The following ARHGAP29 variants were observed in gnomAD, a reference collection of about 807,000 sequenced individuals.
ARHGAP29 encodes the protein rho GTPase-activating protein 29.
A neutral mutation model predicts 122.6 loss-of-function variants in ARHGAP29; 43 were observed. That is an observed-to-expected ratio of 0.35 (90% CI 0.27 to 0.45). The LOEUF is 0.45. Ranked by LOEUF, ARHGAP29 falls within the 20% of genes least tolerant of loss-of-function variation. The pLI is 1.00. For synonymous variants in ARHGAP29, 506 were observed against 497.1 expected (o/e 1.02, Z -0.24); for missense variants, 1,303 against 1,477.2 (o/e 0.88, Z 1.93).
chr1:94,309,227 C>T, the ARHGAP29 span, among the ~76,000 whole-genome samples: 1 of 152,248 alleles, frequency 6.6e-6, no homozygotes, highest in Non-Finnish European at 1.5e-5. Context: ...GAGAGAGCCA[C>T]AACTATTTCC....
At chr1:94,287,586 G>A in the ARHGAP29 span, among the ~76,000 whole-genome samples, 1 of 151,994 alleles carries the variant, frequency 6.6e-6, no homozygotes, top group Non-Finnish European at 1.5e-5. Flanking sequence ...CATGTGCAAT[G>A]TTGGTTTGCT....
At chr1:94,248,258 AG>A (rs958170912) in intron 1 of ARHGAP29, 4 of 152,272 alleles carry the variant, frequency 2.6e-5, no homozygotes, top group Non-Finnish European at 5.9e-5. Context: ...GACACATGGC[AG>A]GTGCTCAGTA....
rs1403023399 is a variant in ARHGAP29, at chr1:94,170,597, A to T, written c.*3272T>A. 6.6e-6 allele frequency among the ~76,000 whole-genome samples: 1 copy of T among 152,218 alleles called. No homozygotes were observed. Among genetic ancestry groups the T allele is most frequent in the Non-Finnish European group, 1.5e-5 (1 of 68,030 alleles). ...TCAATCTCCTAAGTTTGATGGTTGT[A>T]CTATGGTTACGTAGGAATGCCCTTG... On this transcript the variant is annotated 3_prime_UTR_variant, in exon 23 of 23. Transcript: ENST00000260526.
At chr1:94,239,703 A>G (rs1317678714), upstream of ARHGAP29, among the ~76,000 whole-genome samples, 1 of 152,198 alleles carries the variant, frequency 6.6e-6, no homozygotes, top group East Asian at 1.9e-4. Context: ...ACCGATAGAG[A>G]AAGGAAAGAG....
the ARHGAP29 span, among the ~76,000 whole-genome samples, chr1:94,291,378 A>G: frequency 7.2e-5 from 11 of 152,180 alleles, no homozygotes; most frequent in Admixed American, 2.0e-4. Context: ...TGAATACAGC[A>G]CACTGATGGG....
chr1:94,297,588 G>A, the ARHGAP29 span, among the ~76,000 whole-genome samples: 1 of 152,266 alleles, frequency 6.6e-6, no homozygotes, highest in African/African-American at 2.4e-5. Context: ...GGGGACAAAG[G>A]GGATCTTCCA....
chr1:94,302,127 C>G, the ARHGAP29 span: 1 of 276,132 alleles, frequency 3.6e-6, no homozygotes, highest in Non-Finnish European at 7.1e-6. Flanking sequence ...AAGTGGATAT[C>G]ATCACCATCA....
intron 1 of ARHGAP29, among the ~76,000 whole-genome samples, chr1:94,268,099 A>G (rs1654844245): frequency 6.6e-6 from 1 of 152,192 alleles, no homozygotes; most frequent in African/African-American, 2.4e-5. Context: ...TCTGTTTAAT[A>G]CATTTATTTT....
At chr1:94,270,472 G>T (rs975612173) in intron 1 of ARHGAP29, among the ~76,000 whole-genome samples, 1 of 152,160 alleles carries the variant, frequency 6.6e-6, no homozygotes, top group Non-Finnish European at 1.5e-5. Context: ...TTATTTTGGC[G>T]CTGCCATATC....
rs1008749601 is a variant in ARHGAP29 at position 94,233,909 on chromosome 1, T to C, written c.-32-2266A>G. On this transcript the variant is annotated intron_variant, in intron 1 of 22. Transcript: ENST00000260526. ...CATAATAGGTCATGACCCTACAGTT[T>C]GAAAAACACCAACTGTTCAGCTCAG... Among the ~76,000 whole-genome samples the C allele has an allele frequency of 3.3e-5, 5 of 152,288 alleles. No individual in the cohort carries two copies. The South Asian group carries it at 1.0e-3, about 32-fold the overall frequency.
Position 94,174,230 on chromosome 1 carries a change from C to G in ARHGAP29, c.3425G>C (p.Arg1142Pro), listed in dbSNP as rs767180219. 1 of 1,614,038 alleles carries G rather than the reference C, an allele frequency of 6.2e-7. No individual in the cohort carries two copies. The highest frequency in any genetic ancestry group is 8.5e-7 in the Non-Finnish European group (1 of 1,180,020). The change falls in exon 23 of 23, where the codon CGG (arginine) becomes CCG (proline). Residue 1142 changes from arginine (R) to proline (P), a missense_variant. This residue lies in a region of ARHGAP29 where 620 missense variants were observed against 651.2 expected (regional missense o/e 0.95). Transcript: ENST00000260526. ...VRSVREASER[R>P]SSDSYPLAPV... ...AGCGAGAGGGTAGGAATCTGAAGACCGTCTCTCAGATGCCTCTCTCACTGA... is the reference window on the plus strand; with the variant it reads ...AGCGAGAGGGTAGGAATCTGAAGACGGTCTCTCAGATGCCTCTCTCACTGA...
At chr1:94,247,744 G>C in intron 1 of ARHGAP29, 1 of 671,630 alleles carries the variant, frequency 1.5e-6, no homozygotes, top group South Asian at 6.6e-5. Flanking sequence ...CGCCTTTGCA[G>C]CTACCGCCAC....
chr1:94,245,706 T>G (rs1357005030), intron 1 of ARHGAP29, among the ~76,000 whole-genome samples: 1 of 152,180 alleles, frequency 6.6e-6, no homozygotes, highest in African/African-American at 2.4e-5. Context: ...CCCATCAATA[T>G]TGTCTATTGC....
At chr1:94,301,150 C>T in the ARHGAP29 span, among the ~76,000 whole-genome samples, 1 of 151,282 alleles carries the variant, frequency 6.6e-6, no homozygotes, top group Non-Finnish European at 1.5e-5. Context: ...GTATCTGAAC[C>T]ACAGAAAGAC....
chr1:94,177,929 A>G lies in ARHGAP29; in HGVS notation c.2719T>C (p.Phe907Leu). 2 of 1,614,154 alleles carry G rather than the reference A, an allele frequency of 1.2e-6. No individual in the cohort carries two copies. ...CSIGVVDQGC[F>L]PKPLLSPEER... ...TCTGGTGATAACAGAGGCTTTGGAA[A>G]ACAGCCTTGATCAACAACACCTATG... The change falls in exon 21 of 23, where the codon TTT becomes CTT. Residue 907 changes from phenylalanine (F) to leucine (L), a missense_variant. By Grantham distance (22) the Phe-to-Leu change is conservative (BLOSUM62 0). Transcript: ENST00000260526.
chr1:94,231,084 G>A, intron 2 of ARHGAP29, among the ~76,000 whole-genome samples: 1 of 151,986 alleles, frequency 6.6e-6, no homozygotes, highest in Non-Finnish European at 1.5e-5. Flanking sequence ...ACCAATCAAT[G>A]CACTGTGTTA....
chr1:94,278,931 C>T (rs1000638688), upstream of ARHGAP29, among the ~76,000 whole-genome samples: 2 of 152,174 alleles, frequency 1.3e-5, no homozygotes, highest in Non-Finnish European at 2.9e-5. Flanking sequence ...TAGAGAAATG[C>T]ACAAATGTGA....
At chr1:94,185,306 C>A in intron 17 of ARHGAP29, 36 bp downstream of exon 17, 2 of 1,531,428 alleles carry the variant, frequency 1.3e-6, no homozygotes, top group Non-Finnish European at 8.7e-7. Context: ...AAACAAAAAG[C>A]ATAAAAGGGT....
At chr1:94,271,202 A>T (rs1654979763) in intron 1 of ARHGAP29, among the ~76,000 whole-genome samples, 1 of 152,234 alleles carries the variant, frequency 6.6e-6, no homozygotes, top group South Asian at 2.1e-4. Context: ...ATTGCTTACC[A>T]CATGGGTCTC....
Sources: allele counts gnomAD v4.1 joint callset (sites outside exome capture counted in the v4.1 genomes callset), GRCh38; gene constraint gnomAD v4.1.1; regional missense constraint gnomAD v4.1.1; transcripts MANE v1.5; gene names NCBI Gene and HGNC (gene_info 2026-07-23, HGNC 2026-07-21).